Variants in CEP89 observed in about 807,000 individuals in gnomAD.
CEP89 encodes centrosomal protein 89.
Under a neutral mutation model 97.6 loss-of-function variants are expected in CEP89, and 95 were observed. The observed-to-expected ratio is 0.97, with a 90% confidence interval of 0.82 to 1.15. The LOEUF is 1.15. CEP89 is among the 50% of genes most tolerant of loss of function. The pLI is 0.00. For synonymous variants in CEP89, 354 were observed against 349.1 expected (o/e 1.01, Z -0.16); for missense variants, 869 against 947.7 (o/e 0.92, Z 1.09).
intron 14 of CEP89, among the ~76,000 whole-genome samples, chr19:32,914,393 G>A (rs1970075899): frequency 6.6e-6 from 1 of 151,926 alleles, no homozygotes; most frequent in Non-Finnish European, 1.5e-5. Context: ...CCATGTAGCT[G>A]GGACCACAGG....
rs116905867 is a variant in CEP89, at chr19:32,936,800, T to C, written c.667+831A>G. 0.024 allele frequency among the ~76,000 whole-genome samples: 3,619 copies of C among 152,132 alleles called. 76 individuals carry two copies. The highest frequency in any genetic ancestry group is 0.035 in the Non-Finnish European group (2,375 of 67,976). Reference sequence around the variant, plus strand: ...AGAGAAGAACAACCCTCTCCAGGGCTTCCTCTTTGCTGAGAGCTGCAGAGA... The same window carrying C: ...AGAGAAGAACAACCCTCTCCAGGGCCTCCTCTTTGCTGAGAGCTGCAGAGA... On this transcript the variant is annotated intron_variant, in intron 7 of 18. Coordinates refer to ENST00000305768, the MANE Select transcript of CEP89 (RefSeq NM_032816.5). This position sits in a 1 kb window ranked among gnomAD's most constrained non-coding sequence, Gnocchi z 4.5.
chr19:32,908,336 A>G (rs1466704001), intron 14 of CEP89, among the ~76,000 whole-genome samples: 1 of 152,256 alleles, frequency 6.6e-6, no homozygotes, highest in Non-Finnish European at 1.5e-5. Context: ...CTCAGAATGA[A>G]CTGGCTGGGG....
intron 8 of CEP89, among the ~76,000 whole-genome samples, chr19:32,932,616 CAATA>C (rs1970498708): frequency 6.6e-6 from 1 of 151,922 alleles, no homozygotes; most frequent in South Asian, 2.1e-4. Context: ...TCCTGCAAAT[CAATA>C]AAAAGAAGTC....
intron 2 of CEP89, chr19:32,966,085 G>A (rs1971277027): frequency 3.1e-6 from 1 of 327,098 alleles, no homozygotes; most frequent in African/African-American, 2.1e-5. Context: ...GAATACTTGG[G>A]CTTTAATGCT....
At chr19:32,960,489 GTAAACAGAT>G (rs1229407665) in intron 2 of CEP89, among the ~76,000 whole-genome samples, 3 of 152,128 alleles carry the variant, frequency 2.0e-5, no homozygotes, top group Non-Finnish European at 4.4e-5. Context: ...GAAAGTTAGA[GTAAACAGAT>G]TTACCCTCCT....
intron 17 of CEP89, 61 bp from the exon 18 acceptor site, chr19:32,882,074 T>A (rs1969296177): frequency 1.4e-6 from 2 of 1,424,318 alleles, no homozygotes; most frequent in African/African-American, 2.8e-5. Flanking sequence ...GGACAGTGCC[T>A]CCTGGCTGTG....
intron 14 of CEP89, among the ~76,000 whole-genome samples, chr19:32,905,540 ATTC>A (rs1445125919): frequency 2.6e-5 from 4 of 151,702 alleles, no homozygotes; most frequent in African/African-American, 7.3e-5. Flanking sequence ...CTATTCAGGT[ATTC>A]TTCTTCTTCT....
chr19:32,933,829 T>G (rs914957930), intron 7 of CEP89, among the ~76,000 whole-genome samples, 160 bp from the exon 8 acceptor site: 4 of 152,140 alleles, frequency 2.6e-5, no homozygotes, highest in Non-Finnish European at 4.4e-5. Context: ...AGTGGCCTGA[T>G]GAAGTCACAG....
At chr19:32,890,998 G>A (rs1969504363) in intron 16 of CEP89, among the ~76,000 whole-genome samples, 1 of 152,166 alleles carries the variant, frequency 6.6e-6, no homozygotes, top group Non-Finnish European at 1.5e-5. Context: ...GGCACCAGGT[G>A]GACCCAGTGG....
chr19:32,956,043 T>C (rs1044602430), intron 3 of CEP89, among the ~76,000 whole-genome samples: 12 of 137,238 alleles, frequency 8.7e-5, no homozygotes, highest in Admixed American at 1.7e-4. Flanking sequence ...CCATTCCAAT[T>C]TGGTTCTTTT....
rs915938407 is a variant in CEP89, at chr19:32,918,328, T to G, written c.1280A>C (p.Gln427Pro). 3.7e-6 allele frequency: 6 copies of G among 1,612,920 alleles called. No individual in the cohort carries two copies. Among genetic ancestry groups the G allele is most frequent in the Non-Finnish European group, 3.4e-6 (4 of 1,178,860 alleles). Residue 427 changes from glutamine to proline, a missense_variant, in exon 13 of 19, where the codon CAG becomes CCG. Gln to Pro is a moderately conservative substitution (Grantham distance 76). Coordinates refer to ENST00000305768, the MANE Select transcript of CEP89 (RefSeq NM_032816.5). ...AVTSEEWRQLQTQAKLVLEEN... is the reference protein window; with the variant it reads ...AVTSEEWRQLPTQAKLVLEEN... ...CTCTAAAACCAGTTTTGCTTGAGTC[T>G]GAAGCTGACGCCTGCAATTGATTTA...
At chr19:32,886,065 C>G (rs975289479) in intron 17 of CEP89, among the ~76,000 whole-genome samples, 1 of 152,160 alleles carries the variant, frequency 6.6e-6, no homozygotes, top group Non-Finnish European at 1.5e-5. Flanking sequence ...TGTGTCTGCT[C>G]TGTGACATTT....
chr19:32,946,854 T>C (rs994455049), intron 5 of CEP89, among the ~76,000 whole-genome samples: 8 of 152,208 alleles, frequency 5.3e-5, no homozygotes, highest in Non-Finnish European at 1.0e-4. Flanking sequence ...AAACTTCTTT[T>C]TCTTGATAAG....
chr19:32,898,974 T>C (rs1028843910), intron 16 of CEP89, among the ~76,000 whole-genome samples: 1 of 150,956 alleles, frequency 6.6e-6, no homozygotes, highest in Non-Finnish European at 1.5e-5. Context: ...CATTACAAAA[T>C]ATCACATGTA....
intron 16 of CEP89, among the ~76,000 whole-genome samples, chr19:32,893,499 T>C (rs747128391): frequency 4.6e-5 from 7 of 152,164 alleles, no homozygotes; most frequent in Non-Finnish European, 8.8e-5. Flanking sequence ...CAAAGAAACA[T>C]TGAATTTAAC....
chr19:32,894,645 C>T (rs1969601792), intron 16 of CEP89, among the ~76,000 whole-genome samples: 1 of 152,326 alleles, frequency 6.6e-6, no homozygotes, highest in African/African-American at 2.4e-5. Flanking sequence ...GCTAATTATA[C>T]ATGTGATACA....
At chr19:32,935,020 A>G (rs1261141444) in intron 7 of CEP89, among the ~76,000 whole-genome samples, 3 of 152,262 alleles carry the variant, frequency 2.0e-5, no homozygotes, top group African/African-American at 7.2e-5. Context: ...CTGTTGAGTT[A>G]GATAACCAGA....
At chr19:32,881,277 G>A (rs1264417226) in intron 18 of CEP89, among the ~76,000 whole-genome samples, 1 of 151,874 alleles carries the variant, frequency 6.6e-6, no homozygotes, top group Non-Finnish European at 1.5e-5. Context: ...CTCCAGCCTG[G>A]GCAACAGAGC....
Position 32,971,658 on chromosome 19 carries a change from TA to T in CEP89, c.39+177del, listed in dbSNP as rs34358164. ...GGCGACAGAGCGAGACCCTGTTTCT[TA>T]AAAAAAAAAAAAAAAGTTTAGAACA... is the stretch of plus-strand genomic sequence containing the variant. On this transcript the variant is annotated intron_variant, in intron 1 of 18. Coordinates refer to ENST00000305768, the MANE Select transcript of CEP89 (RefSeq NM_032816.5). 117,655 of 555,334 alleles carry T rather than the reference TA, an allele frequency of 0.21. 1,149 individuals carry two copies. Among genetic ancestry groups the T allele is most frequent in the East Asian group, 0.33 (10,989 of 33,478 alleles). 34.4% of individuals were successfully genotyped at this position (555,334 alleles called of 1,614,324 possible). A position where few individuals can be genotyped will look rare whatever the true frequency, so the allele number is the denominator to read the frequency against.
Sources: allele counts gnomAD v4.1 joint callset (sites outside exome capture counted in the v4.1 genomes callset), GRCh38; gene constraint gnomAD v4.1.1; non-coding constraint Gnocchi (gnomAD v3.1); transcripts MANE v1.5; gene names NCBI Gene and HGNC (gene_info 2026-07-23, HGNC 2026-07-21).